FAM178B: variants seen among roughly 807,000 people sequenced by gnomAD.
The protein encoded by FAM178B is protein FAM178B.
FAM178B carries 82 observed loss-of-function variants against 91.7 expected under a neutral mutation model. The ratio of observed to expected loss-of-function variants is 0.89; its 90% CI spans 0.75 to 1.07. The LOEUF is 1.07. Among genes scored for constraint, FAM178B ranks in the 50% least tolerant of loss-of-function variants. The probability of loss-of-function intolerance (pLI) is 0.00; values close to 1 mark genes in which losing one functional copy is unlikely to be tolerated. For synonymous variants in FAM178B, 368 were observed against 359.4 expected, an observed-to-expected ratio of 1.02 and a Z score of -0.27; for missense variants, 769 against 846.7, an observed-to-expected ratio of 0.91 and a Z score of 1.14.
chr2:96,877,641 C>G, intron 16 of FAM178B: 1 of 484,708 alleles, frequency 2.1e-6, no homozygotes, highest in Non-Finnish European at 3.8e-6. Context: ...GTGATCCGCC[C>G]GCCTCAGTCT....
At chr2:96,886,454 G>C (rs982427553) in intron 14 of FAM178B, among the ~76,000 whole-genome samples, 5 of 152,210 alleles carry the variant, frequency 3.3e-5, no homozygotes, top group Admixed American at 6.5e-5. Context: ...TGAGTCACTT[G>C]CCTAGGGCTG....
intron 12 of FAM178B, among the ~76,000 whole-genome samples, chr2:96,919,467 G>A (rs1241137277): frequency 2.6e-5 from 4 of 152,234 alleles, no homozygotes; most frequent in Admixed American, 1.3e-4. Context: ...ATGAAAGGAG[G>A]TGACTGATTT....
At chr2:96,942,120 G>T (rs2081742415) in intron 8 of FAM178B, among the ~76,000 whole-genome samples, 1 of 152,224 alleles carries the variant, frequency 6.6e-6, no homozygotes, top group East Asian at 1.9e-4. Flanking sequence ...AGCACCAAAA[G>T]AATAAAATAC....
intron 14 of FAM178B, among the ~76,000 whole-genome samples, chr2:96,884,044 T>G (rs997501200): frequency 6.6e-6 from 1 of 152,176 alleles, no homozygotes; most frequent in African/African-American, 2.4e-5. Flanking sequence ...TGGTCTACCC[T>G]GGGCCCTTTC....
At chr2:96,928,632 C>T (rs1017267277) in intron 9 of FAM178B, among the ~76,000 whole-genome samples, 3 of 152,178 alleles carry the variant, frequency 2.0e-5, no homozygotes, top group Non-Finnish European at 4.4e-5. Flanking sequence ...ACTAACCAGG[C>T]TGTGAAGTCT....
intron 12 of FAM178B, among the ~76,000 whole-genome samples, chr2:96,914,982 G>A (rs1402003485): frequency 6.6e-6 from 1 of 152,168 alleles, no homozygotes; most frequent in Non-Finnish European, 1.5e-5. Flanking sequence ...GTGGGGCAGG[G>A]GTGGGGGGCA....
rs185142788 is a variant in FAM178B at position 96,966,564 on chromosome 2, G to A, written c.734+956C>T. ...CATCCCGAAGCTACAGCAGAGCCTC[G>A]CACATAGTTGGCACTCGATAAATGT... On this transcript the variant is annotated intron_variant, in intron 5 of 16. Coordinates refer to ENST00000490605, the MANE Select transcript of FAM178B (RefSeq NM_001122646.3). 2.2e-4 allele frequency among the ~76,000 whole-genome samples: 34 copies of A among 152,252 alleles called. 2 individuals are homozygous for A. In the East Asian group the frequency reaches 6.4e-3, roughly 29 times the overall value.
At chr2:96,976,903 C>T (rs2082295588) in intron 1 of FAM178B, among the ~76,000 whole-genome samples, 1 of 150,702 alleles carries the variant, frequency 6.6e-6, no homozygotes, top group Non-Finnish European at 1.5e-5. Context: ...TCTAGAGAAA[C>T]TCGATGTGGG....
intron 13 of FAM178B, among the ~76,000 whole-genome samples, chr2:96,899,173 C>T (rs1374398661): frequency 4.6e-5 from 7 of 152,234 alleles, no homozygotes; most frequent in Non-Finnish European, 8.8e-5. Flanking sequence ...TCCTTCCTAT[C>T]CCTCCAGTCG....
chr2:96,886,926 A>AG (rs1293453587), intron 14 of FAM178B, among the ~76,000 whole-genome samples: 4 of 152,110 alleles, frequency 2.6e-5, no homozygotes, highest in Non-Finnish European at 5.9e-5. Context: ...TTAAAAAAAA[A>AG]CCTTTTGGCC....
chr2:96,961,677 C>T (rs2082083700), intron 5 of FAM178B, among the ~76,000 whole-genome samples: 1 of 152,180 alleles, frequency 6.6e-6, no homozygotes, highest in Non-Finnish European at 1.5e-5. Flanking sequence ...GGCAGAACAG[C>T]CCAGGGGCCC....
chr2:96,905,816 G>GTATATATATA (rs1434487897), intron 12 of FAM178B, among the ~76,000 whole-genome samples: 1 of 36,748 alleles, frequency 2.7e-5, no homozygotes, highest in African/African-American at 1.3e-4. Context: ...ACATATATGT[G>GTATATATATA]TGTATATATA....
At chr2:96,947,470 G>T (rs565977158) in intron 8 of FAM178B, among the ~76,000 whole-genome samples, 7 of 152,132 alleles carry the variant, frequency 4.6e-5, no homozygotes, top group Admixed American at 1.3e-4. Context: ...CAAGCTAACC[G>T]GCGCTTTCAG....
chr2:96,969,665 C>T (rs907606680), intron 4 of FAM178B, among the ~76,000 whole-genome samples: 1 of 152,172 alleles, frequency 6.6e-6, no homozygotes, highest in Non-Finnish European at 1.5e-5. Context: ...TGCTGGGCAC[C>T]GTGGAAATAT....
chr2:96,972,204 C>T lies in FAM178B; in HGVS notation c.261G>A (p.Ser87=), dbSNP rs1035755321. The T allele has an allele frequency of 1.9e-5, 29 of 1,545,208 alleles. 1 individual carries two copies. The Admixed American group carries it at 2.4e-4, about 13-fold the overall frequency. The part of the protein sequence containing the change: ...CPARRPCSPA[S]APAPTSPKKP... ...TCTTTGGCGATGTGGGAGCTGGAGC[C>T]GAGGCAGGGCTGCAGGGCCGCCGGG... is the stretch of plus-strand genomic sequence containing the variant. Residue 87 remains serine, a synonymous_variant, in exon 3 of 17, where the codon TCG becomes TCA. Transcript: ENST00000490605.
At chr2:96,941,509 C>A (rs767264084) in intron 8 of FAM178B, among the ~76,000 whole-genome samples, 1 of 152,168 alleles carries the variant, frequency 6.6e-6, no homozygotes, top group Non-Finnish European at 1.5e-5. Context: ...CCAGTGGCCA[C>A]GAGGCCAGAG....
At chr2:96,899,569 A>G (rs1187890715) in intron 13 of FAM178B, among the ~76,000 whole-genome samples, 1 of 151,946 alleles carries the variant, frequency 6.6e-6, no homozygotes, top group Non-Finnish European at 1.5e-5. Flanking sequence ...TACTTTAAAA[A>G]AAAAAGAAAA....
chr2:96,885,061 C>T (rs918176941), intron 14 of FAM178B, among the ~76,000 whole-genome samples: 3 of 152,366 alleles, frequency 2.0e-5, no homozygotes, highest in Admixed American at 2.0e-4. Context: ...CCAGGCAAGA[C>T]ACCCAATTCT....
intron 14 of FAM178B, among the ~76,000 whole-genome samples, chr2:96,883,122 T>C (rs558875885): frequency 1.3e-5 from 2 of 152,264 alleles, no homozygotes; most frequent in South Asian, 4.1e-4. Context: ...ATGACAAGGC[T>C]GAGTGACAGC....
Sources: gnomAD v4.1 joint callset for allele counts (sites outside exome capture counted in the v4.1 genomes callset) on GRCh38, gnomAD v4.1.1 for gene constraint, MANE v1.5 for transcripts, NCBI Gene and HGNC (gene_info 2026-07-23, HGNC 2026-07-21) for gene names.